Variants in POLRMT observed in about 807,000 individuals in gnomAD.
POLRMT encodes the protein RNA polymerase mitochondrial, also known as DNA-directed RNA polymerase, mitochondrial.
In POLRMT, 114 loss-of-function variants were observed where a neutral mutation model predicts 132.2. The observed-to-expected ratio is 0.86, with a 90% confidence interval of 0.74 to 1.01. The LOEUF is 1.01. POLRMT is among the 50% of genes least tolerant of loss of function. POLRMT has a pLI of 0.00. For missense variants in POLRMT, 2,003 were observed against 1,729.1 expected, an observed-to-expected ratio of 1.16 and a Z score of -2.81; for synonymous variants, 1,020 against 773.4, an observed-to-expected ratio of 1.32 and a Z score of -5.29.
At chr19:630,952 G>A (rs1985369756) in intron 2 of POLRMT, among the ~76,000 whole-genome samples, 1 of 152,082 alleles carries the variant, frequency 6.6e-6, no homozygotes, top group African/African-American at 2.4e-5. Flanking sequence ...AAGGTCAGGA[G>A]TTCGAGACCA....
rs755413831 is a variant in POLRMT at position 618,582 on chromosome 19, G to A, written c.3328C>T (p.Pro1110Ser). Residue 1110 changes from proline to serine, a missense_variant, in exon 17 of 21, where the codon CCC becomes TCC. By Grantham distance (74) the Pro-to-Ser change is moderately conservative. Coordinates refer to ENST00000588649, the MANE Select transcript of POLRMT (RefSeq NM_005035.4). ...YTHNGDISRK[P>S]NTRKQKNGFP... ...CCGTTCTTCTGCTTACGTGTGTTGGGCTTTCTGAGGACGGAACAGGTGCCG... is the reference window on the plus strand; with the variant it reads ...CCGTTCTTCTGCTTACGTGTGTTGGACTTTCTGAGGACGGAACAGGTGCCG... 1 of 1,612,298 alleles carries A rather than the reference G, an allele frequency of 6.2e-7. No homozygotes were observed. Among genetic ancestry groups the A allele is most frequent in the Non-Finnish European group, 8.5e-7 (1 of 1,178,698 alleles).
At chr19:625,532 A>G (rs1984964041) in intron 3 of POLRMT, 2 of 395,346 alleles carry the variant, frequency 5.1e-6, no homozygotes, top group African/African-American at 2.1e-5. Flanking sequence ...AATTGTGTGG[A>G]TCTTTTCAAA....
In POLRMT at chr19:617,674, A is replaced by C. The variant is rs772812075; in HGVS notation, c.3496-19T>G. 13 of 1,612,362 alleles carry C rather than the reference A, an allele frequency of 8.1e-6. No homozygotes were observed. Among genetic ancestry groups the C allele is most frequent in the Non-Finnish European group, 1.1e-5 (13 of 1,179,868 alleles). ...GGCACACCTGGGCAGGAGTCAGAGG[A>C]TCCCCAGGGGTGATCAGGCAGGCTC... On this transcript the variant is annotated intron_variant, in intron 18 of 20. Coordinates refer to ENST00000588649, the MANE Select transcript of POLRMT (RefSeq NM_005035.4).
In POLRMT at chr19:623,514, G is replaced by A. The variant is rs1984795232; in HGVS notation, c.1230C>T (p.Ser410=). ...TCTCCACGGACACCACGCACACCCT[G>A]CTGGCCAGCTCCATGTGGAGCTGCT... ...FEKQLHMELA[S]RVCVVSVEKP... is the part of the protein sequence containing the mutation. Residue 410 remains serine (S), a synonymous_variant, in exon 6 of 21, where the codon AGC becomes AGT. Transcript: ENST00000588649. 2 of 1,613,342 alleles carry A rather than the reference G, an allele frequency of 1.2e-6. No homozygotes were observed. The highest frequency in any genetic ancestry group is 1.7e-6 in the Non-Finnish European group (2 of 1,180,012).
chr19:624,472 TCTC>T (rs540667038), intron 5 of POLRMT, among the ~76,000 whole-genome samples: 7 of 151,966 alleles, frequency 4.6e-5, no homozygotes, highest in African/African-American at 1.5e-4. Flanking sequence ...AACGCACTGC[TCTC>T]CTGTCACCCC....
intron 5 of POLRMT, 107 bp downstream of exon 5, chr19:624,612 G>A (rs1984882712): frequency 1.6e-6 from 2 of 1,287,574 alleles, no homozygotes; most frequent in South Asian, 2.9e-5. Flanking sequence ...GCCCAGCCCA[G>A]GTGAGCCCTG....
chr19:619,369 A>G (rs961572630), intron 13 of POLRMT, 73 bp from the exon 14 acceptor site: 2 of 1,523,002 alleles, frequency 1.3e-6, no homozygotes, highest in Non-Finnish European at 9.1e-7. Context: ...CCTATTTCAG[A>G]GCCACTGAGG....
intron 9 of POLRMT, 70 bp downstream of exon 9, chr19:622,079 C>T (rs1389850033): frequency 2.7e-5 from 38 of 1,397,110 alleles, no homozygotes; most frequent in African/African-American, 1.6e-4. Context: ...CGCCCAAAGG[C>T]GCCAACCCCA....
intron 3 of POLRMT, among the ~76,000 whole-genome samples, chr19:628,634 G>A (rs923235564): frequency 2.0e-5 from 3 of 149,086 alleles, no homozygotes; most frequent in Admixed American, 6.7e-5. Context: ...AGGATCATGG[G>A]GGGGGAGAAA....
rs748261773 is a variant in POLRMT, at chr19:617,738, C to T, written c.3495+39G>A. 4 of 1,612,490 alleles carry T rather than the reference C, an allele frequency of 2.5e-6. No homozygotes were observed. The South Asian group carries it at 3.3e-5, about 13-fold the overall frequency. The stretch of plus-strand genomic sequence containing the variant: ...TACCCAACGCCCCAGTGTGGGGGCC[C>T]CACCCATGGGTGGACTGAGGCTCAG... On this transcript the variant is annotated intron_variant, in intron 18 of 20. Coordinates refer to ENST00000588649, the MANE Select transcript of POLRMT (RefSeq NM_005035.4).
At chr19:627,976 G>A (rs1289842406) in intron 3 of POLRMT, among the ~76,000 whole-genome samples, 2 of 148,872 alleles carry the variant, frequency 1.3e-5, no homozygotes, top group Non-Finnish European at 3.0e-5. Flanking sequence ...TGGCTAACAT[G>A]CTGAAACCCC....
intron 16 of POLRMT, 56 bp from the exon 17 acceptor site, chr19:618,642 C>T (rs1417147986): frequency 4.4e-6 from 7 of 1,600,158 alleles, no homozygotes; most frequent in Non-Finnish European, 5.1e-6. Context: ...TAACTGGCCG[C>T]TGTCTCCACC....
chr19:619,667 CAT>C lies in POLRMT; in HGVS notation c.2983_2984del (p.Met995AspfsTer16). On this transcript the variant is annotated frameshift_variant, in exon 13 of 21. Transcript: ENST00000588649. LOFTEE classifies it high-confidence loss of function. ...AGCGCGTGACCCCGTACACCACCGT[CAT>C]CACCGTCTGCTTCACCACCTTGCGG... is the stretch of plus-strand genomic sequence containing the variant. ...ITRKVVKQTV[M>X]TVVYGVTRYG... The C allele has an allele frequency of 6.2e-7, 1 of 1,610,704 alleles. No individual in the cohort carries two copies. The highest frequency in any genetic ancestry group is 8.5e-7 in the Non-Finnish European group (1 of 1,179,578).
chr19:617,373 T>C, intron 20 of POLRMT, 46 bp downstream of exon 20: 4 of 1,612,372 alleles, frequency 2.5e-6, no homozygotes, highest in Non-Finnish European at 3.4e-6. Context: ...AGCCCCGCCC[T>C]GGCCCGCAGT....
At position 621,455 on chromosome 19, in the gene POLRMT, T is replaced by C. The variant is rs1479475902; in HGVS notation, c.2243A>G (p.His748Arg). 1 of 1,385,694 alleles carries C rather than the reference T, an allele frequency of 7.2e-7. No individual in the cohort carries two copies. The highest frequency in any genetic ancestry group is 9.3e-7 in the Non-Finnish European group (1 of 1,079,118). 85.8% of individuals were successfully genotyped at this position (1,385,694 alleles called of 1,614,324 possible). ...GGCCTTGCGGGCGGGCGCGGCGCTG[T>C]GCGGCAGGTGGGCCTCGGGCGGCTG... ...APQPPEAHLP[H>R]SAAPARKAEL... Residue 748 changes from histidine to arginine, a missense_variant, in exon 10 of 21, where the codon CAC (histidine) becomes CGC (arginine). His to Arg is a conservative substitution (Grantham distance 29, BLOSUM62 0). Coordinates refer to ENST00000588649, the MANE Select transcript of POLRMT (RefSeq NM_005035.4).
At position 617,627 on chromosome 19, in the gene POLRMT, T is replaced by G. The variant is rs1347491200; in HGVS notation, c.3524A>C (p.His1175Pro). 6.2e-6 allele frequency: 10 copies of G among 1,612,450 alleles called. No individual in the cohort carries two copies. The highest frequency in any genetic ancestry group is 8.5e-6 in the Non-Finnish European group (10 of 1,179,970). ...QVCREQFVRL[H>P]SEPILQDLSR... The stretch of plus-strand genomic sequence containing the variant: ...CAGGTCCTGCAGGATGGGCTCGCTG[T>G]GCAAGCGGACAAACTGCTCCCGGCA... Residue 1175 changes from histidine (H) to proline (P), a missense_variant, in exon 19 of 21, where the codon CAC becomes CCC. His to Pro is a moderately conservative substitution (Grantham distance 77). Coordinates refer to ENST00000588649, the MANE Select transcript of POLRMT (RefSeq NM_005035.4).
chr19:622,517 C>G (rs1984694712), intron 8 of POLRMT, 65 bp downstream of exon 8: 2 of 1,513,642 alleles, frequency 1.3e-6, no homozygotes, highest in Non-Finnish European at 8.9e-7. Context: ...CCCGGCTGCT[C>G]CAGGGAGGGA....
Position 622,863 on chromosome 19 carries a change from C to G in POLRMT, c.1413G>C (p.Leu471=). ...CCACCTCGCGCTCGTCCAGCAGGCA[C>G]AGGAAGGGGTAAAGTGAGAACCGGC... ...YEGRFSLYPF[L]CLLDEREVVR... is the part of the protein sequence containing the mutation. The change falls in exon 7 of 21, where the codon CTG becomes CTC. Residue 471 remains leucine, a synonymous_variant. Transcript: ENST00000588649. The G allele has an allele frequency of 6.2e-7, 1 of 1,608,380 alleles. No individual in the cohort carries two copies. Among genetic ancestry groups the G allele is most frequent in the Non-Finnish European group, 8.5e-7 (1 of 1,178,052 alleles).
rs889772400 is a variant in POLRMT, at chr19:619,306, G to T, written c.3067-10C>A. 3.1e-6 allele frequency: 5 copies of T among 1,608,432 alleles called. No individual in the cohort carries two copies. In the African/African-American group the frequency reaches 6.7e-5, roughly 22 times the overall value. Reference sequence around the variant, plus strand: ...CCTCCCACACGAACTCCTGCAGAGGGCGGGCAGCAGGTGCAGGTCCTCAGG... The same window carrying T: ...CCTCCCACACGAACTCCTGCAGAGGTCGGGCAGCAGGTGCAGGTCCTCAGG... On this transcript the variant is annotated splice_polypyrimidine_tract_variant and intron_variant, in intron 13 of 20. Transcript: ENST00000588649.
Sources: gnomAD v4.1 joint callset for allele counts (sites outside exome capture counted in the v4.1 genomes callset) on GRCh38, gnomAD v4.1.1 for gene constraint, MANE v1.5 for transcripts, NCBI Gene and HGNC (gene_info 2026-07-23, HGNC 2026-07-21) for gene names.